The following CREBRF variants were observed in gnomAD, a reference collection of about 807,000 sequenced individuals.
The protein encoded by CREBRF is CREB3 regulatory factor.
Under a neutral mutation model 66.1 loss-of-function variants are expected in CREBRF, and 5 were observed. That is an observed-to-expected ratio of 0.08 (90% CI 0.04 to 0.16). CREBRF has a LOEUF of 0.16. Among genes scored for constraint, CREBRF ranks in the 10% least tolerant of loss-of-function variants. The probability of loss-of-function intolerance (pLI) is 1.00; values close to 1 mark genes in which losing one functional copy is unlikely to be tolerated. For missense variants in CREBRF, 531 were observed against 744.9 expected, an observed-to-expected ratio of 0.71 and a Z score of 3.34; for synonymous variants, 229 against 264.4, an observed-to-expected ratio of 0.87 and a Z score of 1.30.
intron 7 of CREBRF, among the ~76,000 whole-genome samples, chr5:173,121,820 A>G (rs1759145524): frequency 6.6e-6 from 1 of 152,194 alleles, no homozygotes; most frequent in South Asian, 2.1e-4. Flanking sequence ...GTTAGTGGAC[A>G]TCGATGCATG....
At chr5:173,063,519 C>T (rs187050360) in intron 1 of CREBRF, among the ~76,000 whole-genome samples, 2 of 152,134 alleles carry the variant, frequency 1.3e-5, no homozygotes, top group Admixed American at 1.3e-4. Flanking sequence ...AGGAGCACGT[C>T]ACCACACTCA....
chr5:173,130,206 T>C (rs1759385426), intron 8 of CREBRF, among the ~76,000 whole-genome samples: 1 of 152,222 alleles, frequency 6.6e-6, no homozygotes, highest in Non-Finnish European at 1.5e-5. Flanking sequence ...TTTAGCTCAT[T>C]TTTAAAAAAA....
intron 2 of CREBRF, among the ~76,000 whole-genome samples, chr5:173,081,578 G>A (rs1312843939): frequency 1.3e-5 from 2 of 152,072 alleles, no homozygotes; most frequent in Admixed American, 6.6e-5. Flanking sequence ...CTGGTGACTC[G>A]GAGACAGGCA....
Position 173,108,818 on chromosome 5 carries a change from G to A in CREBRF, c.1417G>A (p.Gly473Arg), listed in dbSNP as rs2113770590. ...GTATCAGAAAAATGGCTTACATCAT[G>A]GTAAGAGGGGATTGCAGTCAGATAT... is the stretch of plus-strand genomic sequence containing the variant. Reference protein sequence around the residue: ...NMYQKNGLHHGKYAVKKSRRT... With the variant: ...NMYQKNGLHHRKYAVKKSRRT... Residue 473 changes from glycine (G) to arginine (R), a missense_variant and splice_region_variant, in exon 5 of 9, where the codon GGA becomes AGA. Gly to Arg is a moderately radical substitution (Grantham distance 125). This residue lies in a region of CREBRF where 309 missense variants were observed against 341.4 expected (regional missense o/e 0.90). Transcript: ENST00000296953. 1 of 1,608,964 alleles carries A rather than the reference G, an allele frequency of 6.2e-7. No homozygotes were observed. The highest frequency in any genetic ancestry group is 1.7e-5 in the Admixed American group (1 of 58,834).
chr5:173,122,386 C>T (rs895899403), intron 7 of CREBRF, among the ~76,000 whole-genome samples: 9 of 152,138 alleles, frequency 5.9e-5, no homozygotes, highest in Non-Finnish European at 1.2e-4. Context: ...TAGGCGTGAG[C>T]CACTGCACCT....
At chr5:173,127,211 A>G (rs1759298890) in intron 8 of CREBRF, among the ~76,000 whole-genome samples, 1 of 143,038 alleles carries the variant, frequency 7.0e-6, no homozygotes, top group Admixed American at 7.2e-5. Flanking sequence ...CACCCAGGCT[A>G]GAGTGCAGTG....
chr5:173,108,174 A>C (rs73331196), intron 4 of CREBRF, among the ~76,000 whole-genome samples: 1 of 151,038 alleles, frequency 6.6e-6, no homozygotes, highest in Non-Finnish European at 1.5e-5. Context: ...AAAAATATTT[A>C]AAAAAAAAGA....
In CREBRF at chr5:173,136,733, C is replaced by T. The variant is rs1215673321; in HGVS notation, c.*2988C>T. 1 of 152,334 alleles carries T rather than the reference C, an allele frequency of 6.6e-6. No individual in the cohort carries two copies. The highest frequency in any genetic ancestry group is 1.9e-4 in the East Asian group (1 of 5,198). The allele number at this position is 152,334 out of a possible 1,614,324, so 9.4% of individuals were successfully genotyped here. A position where few individuals can be genotyped will look rare whatever the true frequency, so the allele number is the denominator to read the frequency against. ...ATCTTATAAGGGTAATGTAAAAACC[C>T]CAACAATTGTACATGTTCTGTTTTT... is the stretch of plus-strand genomic sequence containing the variant. On this transcript the variant is annotated 3_prime_UTR_variant, in exon 9 of 9. Coordinates refer to ENST00000296953, the MANE Select transcript of CREBRF (RefSeq NM_153607.3).
At position 173,116,512 on chromosome 5, in the gene CREBRF, T is replaced by G. The variant is rs558500756; in HGVS notation, c.1681+4133T>G. ...TACATTTTTGCCTGGCTACTTTCAC[T>G]CAGCATAATTATTTAAAAATTCCTC... On this transcript the variant is annotated intron_variant, in intron 7 of 8. Transcript: ENST00000296953. 3.9e-5 allele frequency among the ~76,000 whole-genome samples: 6 copies of G among 152,324 alleles called. No homozygotes were observed. In the East Asian group the frequency reaches 1.2e-3, roughly 29 times the overall value.
intron 7 of CREBRF, among the ~76,000 whole-genome samples, chr5:173,122,482 TG>T (rs1206749932): frequency 2.6e-5 from 4 of 151,596 alleles, no homozygotes; most frequent in Admixed American, 2.6e-4. Context: ...TAATCATTAC[TG>T]CTTAATGCTT....
intron 4 of CREBRF, among the ~76,000 whole-genome samples, chr5:173,101,572 C>T (rs1215971886): frequency 8.9e-5 from 13 of 145,752 alleles, no homozygotes; most frequent in South Asian, 2.3e-4. Flanking sequence ...TTTTTTAAGA[C>T]GAAGTCTTGC....
chr5:173,090,946 A>G lies in CREBRF; in HGVS notation c.767A>G (p.His256Arg). Residue 256 changes from histidine to arginine, a missense_variant, in exon 4 of 9, where the codon CAC (histidine) becomes CGC (arginine). By Grantham distance (29) the His-to-Arg change is conservative. Coordinates refer to ENST00000296953, the MANE Select transcript of CREBRF (RefSeq NM_153607.3). This position sits in a 1 kb window ranked among gnomAD's most constrained non-coding sequence, Gnocchi z 4.5. ...AGCCGGCCCTTGTTGAGCCAGATTC[A>G]CACAGATGCAGCAAAGGAGAACACC... ...QQSRPLLSQI[H>R]TDAAKENTCY... 1 of 1,614,188 alleles carries G rather than the reference A, an allele frequency of 6.2e-7. No homozygotes were observed. The highest frequency in any genetic ancestry group is 8.5e-7 in the Non-Finnish European group (1 of 1,180,034).
chr5:173,111,516 C>T (rs967219843), intron 6 of CREBRF, among the ~76,000 whole-genome samples: 2 of 152,214 alleles, frequency 1.3e-5, no homozygotes, highest in South Asian at 2.1e-4. Flanking sequence ...TGAGCCAGTG[C>T]GCCCAGCTGA....
At chr5:173,083,053 C>T (rs2113714177) in intron 2 of CREBRF, among the ~76,000 whole-genome samples, 1 of 150,660 alleles carries the variant, frequency 6.6e-6, no homozygotes, top group Non-Finnish European at 1.5e-5. Context: ...ATAGTGAAAC[C>T]CCATCTCTAC....
chr5:173,122,329 G>C (rs1759154992), intron 7 of CREBRF, among the ~76,000 whole-genome samples: 1 of 152,112 alleles, frequency 6.6e-6, no homozygotes, highest in Admixed American at 6.6e-5. Context: ...TCGAACTCCT[G>C]ACCTCATGCA....
At chr5:173,079,636 A>G (rs1056640918) in intron 1 of CREBRF, among the ~76,000 whole-genome samples, 3 of 152,120 alleles carry the variant, frequency 2.0e-5, no homozygotes, top group African/African-American at 7.2e-5. Context: ...GTGGTTCTCA[A>G]ACTTTAGAGA....
chr5:173,136,876 A>G lies in CREBRF; in HGVS notation c.*3131A>G, dbSNP rs1051792902. 6.6e-6 allele frequency: 1 copy of G among 152,362 alleles called. No homozygotes were observed. Among genetic ancestry groups the G allele is most frequent in the South Asian group, 2.1e-4 (1 of 4,828 alleles). 9.4% of individuals were successfully genotyped at this position (152,362 alleles called of 1,614,324 possible). A position where few individuals can be genotyped will look rare whatever the true frequency, so the allele number is the denominator to read the frequency against. ...AATGAAGTCCAGAATCTTACTTTTA[A>G]GTGAAGGCATTGTGAATTCACCTCA... On this transcript the variant is annotated 3_prime_UTR_variant, in exon 9 of 9. Coordinates refer to ENST00000296953, the MANE Select transcript of CREBRF (RefSeq NM_153607.3).
At chr5:173,062,067 A>T (rs1305506135) in intron 1 of CREBRF, among the ~76,000 whole-genome samples, 8 of 152,182 alleles carry the variant, frequency 5.3e-5, no homozygotes, top group African/African-American at 1.9e-4. Context: ...TCAGTTTATT[A>T]ATTTGTAGTG....
intron 3 of CREBRF, 27 bp downstream of exon 3, chr5:173,086,653 C>T (rs778247087): frequency 6.3e-7 from 1 of 1,580,560 alleles, no homozygotes. Context: ...TGGTTTTGGT[C>T]TTGATTGATT....
Sources: allele counts gnomAD v4.1 joint callset (sites outside exome capture counted in the v4.1 genomes callset), GRCh38; gene constraint gnomAD v4.1.1; regional missense constraint gnomAD v4.1.1; non-coding constraint Gnocchi (gnomAD v3.1); transcripts MANE v1.5; gene names NCBI Gene and HGNC (gene_info 2026-07-23, HGNC 2026-07-21).